ARVCF: variants seen among roughly 807,000 people sequenced by gnomAD.
ARVCF encodes the protein ARVCF delta catenin family member, also known as splicing regulator ARVCF.
ARVCF carries 66 observed loss-of-function variants against 90.9 expected under a neutral mutation model. The observed-to-expected ratio is 0.73, with a 90% CI of 0.60 to 0.89. The LOEUF (loss-of-function observed/expected upper bound fraction) is 0.89. Among genes scored for constraint, ARVCF ranks in the 40% least tolerant of loss-of-function variants. The pLI, the probability that ARVCF is intolerant of heterozygous loss-of-function variation, is 0.00. For synonymous variants in ARVCF, 653 were observed against 603.4 expected, an observed-to-expected ratio of 1.08 and a Z score of -1.21; for missense variants, 1,469 against 1,382.3, an observed-to-expected ratio of 1.06 and a Z score of -1.00.
chr22:19,966,430 C>A (rs1238931720), downstream of ARVCF, among the ~76,000 whole-genome samples: 3 of 96,568 alleles, frequency 3.1e-5, no homozygotes, highest in Admixed American at 2.2e-4. Context: ...GGAATGAGTT[C>A]CCCCTTAAAA....
At position 19,973,176 on chromosome 22, in the gene ARVCF, G is replaced by C. The variant is rs1353395111; in HGVS notation, c.2381C>G (p.Ala794Gly). 1 of 1,610,716 alleles carries C rather than the reference G, an allele frequency of 6.2e-7. No individual in the cohort carries two copies. The highest frequency in any genetic ancestry group is 8.5e-7 in the Non-Finnish European group (1 of 1,179,178). ...CCCGCGTGCCTGCAGGAGCGAGCGCGCGTTATCCAGGCTGTCGGACACGAT... is the reference window on the plus strand; with the variant it reads ...CCCGCGTGCCTGCAGGAGCGAGCGCCCGTTATCCAGGCTGTCGGACACGAT... ...HEIVSDSLDN[A>G]RSLLQARGVP... The change falls in exon 14 of 20, where the codon GCG (alanine) becomes GGG (glycine). Residue 794 changes from alanine (A) to glycine (G), a missense_variant. Ala to Gly is a moderately conservative substitution (Grantham distance 60). Coordinates refer to ENST00000263207, the MANE Select transcript of ARVCF (RefSeq NM_001670.3).
chr22:20,005,166 T>G (rs1329929570), intron 2 of ARVCF, among the ~76,000 whole-genome samples: 1 of 152,088 alleles, frequency 6.6e-6, no homozygotes, highest in Admixed American at 6.6e-5. Flanking sequence ...CCAGAATATG[T>G]AAAGAACTCC....
chr22:19,975,364 G>A (rs1943093415), intron 11 of ARVCF, among the ~76,000 whole-genome samples: 1 of 152,234 alleles, frequency 6.6e-6, no homozygotes, highest in African/African-American at 2.4e-5. Context: ...GGCTAACACA[G>A]GAGGCCCTGC....
chr22:19,976,653 C>A, intron 10 of ARVCF, 53 bp downstream of exon 10: 1 of 1,549,092 alleles, frequency 6.5e-7, no homozygotes, highest in South Asian at 1.2e-5. Flanking sequence ...CGCCTCTTCC[C>A]AGGTACCCAC....
At chr22:19,986,864 C>A (rs563586114) in intron 3 of ARVCF, among the ~76,000 whole-genome samples, 1 of 152,302 alleles carries the variant, frequency 6.6e-6, no homozygotes, top group African/African-American at 2.4e-5. Context: ...CCCTGCGGCC[C>A]GCCCTGCATA....
At chr22:20,010,191 A>G (rs551749015) in intron 2 of ARVCF, among the ~76,000 whole-genome samples, 68 of 152,334 alleles carry the variant, frequency 4.5e-4, no homozygotes, top group Non-Finnish European at 8.8e-4. Flanking sequence ...AGCCAGCCCC[A>G]AACAGGCTTG....
At chr22:20,009,636 C>T (rs1944753907) in intron 2 of ARVCF, among the ~76,000 whole-genome samples, 1 of 152,232 alleles carries the variant, frequency 6.6e-6, no homozygotes, top group African/African-American at 2.4e-5. Flanking sequence ...CTGAACAGCA[C>T]CCATCGTGGC....
In ARVCF at chr22:20,015,700, G is replaced by A. The variant is rs118124044; in HGVS notation, c.-73+889C>T. Among the ~76,000 whole-genome samples the A allele has an allele frequency of 5.9e-3, 892 of 152,174 alleles. 2 individuals are homozygous for A. Among genetic ancestry groups the A allele is most frequent in the African/African-American group, 0.012 (503 of 41,502 alleles). ...GGGGAGGTTTCCCCCACAGCAGCCT[G>A]GGTACTCACCTGAGGTTATTAGACA... On this transcript the variant is annotated intron_variant, in intron 1 of 19. Transcript: ENST00000263207.
intron 2 of ARVCF, among the ~76,000 whole-genome samples, chr22:20,006,852 G>T (rs1415100821): frequency 1.3e-5 from 2 of 151,598 alleles, no homozygotes; most frequent in Non-Finnish European, 2.9e-5. Flanking sequence ...GGATGGTCTT[G>T]ATCTCTTGAC....
chr22:19,973,130 G>C lies in ARVCF; in HGVS notation c.2427C>G (p.Leu809=), dbSNP rs371327010. The change falls in exon 14 of 20, where the codon CTC becomes CTG. Residue 809 remains leucine (L), a synonymous_variant. Transcript: ENST00000263207. The part of the protein sequence containing the change: ...QARGVPALVA[L]VASSQSVREA... ...CCGCCCCTCCACACCTGGAGGCCAC[G>C]AGAGCCACCAACGCTGGCACCCCGC... 1 of 1,389,394 alleles carries C rather than the reference G, an allele frequency of 7.2e-7. No individual in the cohort carries two copies. Among genetic ancestry groups the C allele is most frequent in the East Asian group, 4.2e-5 (1 of 23,652 alleles). The allele number at this position is 1,389,394 out of a possible 1,614,324, so 86.1% of individuals were successfully genotyped here.
chr22:19,979,567 C>G (rs1943362239), intron 6 of ARVCF, among the ~76,000 whole-genome samples, 176 bp downstream of exon 6: 1 of 152,230 alleles, frequency 6.6e-6, no homozygotes, highest in Admixed American at 6.5e-5. Flanking sequence ...ACTGGGGAAC[C>G]TGTCACAGTG....
chr22:20,013,269 C>A (rs1944902081), intron 1 of ARVCF, among the ~76,000 whole-genome samples: 1 of 152,230 alleles, frequency 6.6e-6, no homozygotes, highest in Non-Finnish European at 1.5e-5. Flanking sequence ...CAGACCACAC[C>A]TGGGAAGGCT....
intron 13 of ARVCF, 130 bp downstream of exon 13, chr22:19,973,513 G>T: frequency 6.9e-7 from 1 of 1,446,168 alleles, no homozygotes; most frequent in Non-Finnish European, 9.2e-7. Context: ...ACCTCCAGTT[G>T]GGACAGCGCC....
chr22:19,996,680 G>A (rs73880060), intron 2 of ARVCF, among the ~76,000 whole-genome samples: 7,464 of 152,256 alleles, frequency 0.049, 214 homozygotes, highest in South Asian at 0.085. Flanking sequence ...ACCACTCCTC[G>A]AAGCACGCGC....
intron 5 of ARVCF, chr22:19,980,611 A>C: frequency 4.0e-5 from 9 of 225,888 alleles, no homozygotes; most frequent in Non-Finnish European, 6.0e-5. Context: ...AAACCACCCC[A>C]TCTTCCATGA....
Position 20,016,656 on chromosome 22 carries a change from G to A in ARVCF, c.-140C>T, listed in dbSNP as rs942091462. On this transcript the variant is annotated 5_prime_UTR_variant, in exon 1 of 20. Transcript: ENST00000263207. The stretch of plus-strand genomic sequence containing the variant: ...CCAGAAGGGCTTCCCCGGGTCCGTT[G>A]GCGCGCGGGGAGCGGCGTTCCCAGG... 2.0e-5 allele frequency: 3 copies of A among 151,320 alleles called. No individual in the cohort carries two copies. The highest frequency in any genetic ancestry group is 4.4e-5 in the Non-Finnish European group (3 of 67,760). The allele number at this position is 151,320 out of a possible 1,614,324, so 9.4% of individuals were successfully genotyped here.
chr22:19,979,551 G>T, intron 6 of ARVCF, 192 bp downstream of exon 6: 1 of 870,478 alleles, frequency 1.1e-6, no homozygotes, highest in Non-Finnish European at 1.7e-6. Flanking sequence ...CCCTGCTATG[G>T]TAGAGACTGG....
intron 1 of ARVCF, among the ~76,000 whole-genome samples, chr22:20,016,261 C>CT (rs1263671712): frequency 1.8e-4 from 28 of 152,230 alleles, no homozygotes; most frequent in African/African-American, 6.7e-4. Flanking sequence ...GCGGGCACGG[C>CT]TGCGGGGTCG....
At chr22:20,010,872 G>A (rs577609609) in intron 1 of ARVCF, among the ~76,000 whole-genome samples, 3 of 152,200 alleles carry the variant, frequency 2.0e-5, no homozygotes, top group Non-Finnish European at 4.4e-5. Flanking sequence ...GTTGCCCCAC[G>A]CAGGTGCTCA....
Sources: allele counts gnomAD v4.1 joint callset (sites outside exome capture counted in the v4.1 genomes callset), GRCh38; gene constraint gnomAD v4.1.1; transcripts MANE v1.5; gene names NCBI Gene and HGNC (gene_info 2026-07-23, HGNC 2026-07-21).